SLC44A1: variants seen among roughly 807,000 people sequenced by gnomAD.
The protein encoded by SLC44A1 is solute carrier family 44 member 1.
A neutral mutation model predicts 79.3 loss-of-function variants in SLC44A1; 26 were observed. The ratio of observed to expected loss-of-function variants is 0.33; its 90% CI spans 0.24 to 0.46. SLC44A1 has a LOEUF of 0.46. SLC44A1 is among the 20% of genes least tolerant of loss of function. SLC44A1 has a pLI of 1.00. For missense variants in SLC44A1, 688 were observed against 798.1 expected (o/e 0.86, Z 1.66); for synonymous variants, 263 against 286.2 (o/e 0.92, Z 0.82).
At position 105,372,845 on chromosome 9, in the gene SLC44A1, G is replaced by A. The variant is rs1036479033; in HGVS notation, c.1495-1753G>A. Among the ~76,000 whole-genome samples, 47 of 148,304 alleles carry A rather than the reference G, an allele frequency of 3.2e-4. 1 individual carries two copies. The highest frequency in any genetic ancestry group is 6.5e-4 in the Non-Finnish European group (43 of 66,490). ...GGCGCCTGTAGTCCCAGCTACTTGG[G>A]AGGCTGAGGCAGGAGAATGGCGTGA... On this transcript the variant is annotated intron_variant, in intron 12 of 15. Coordinates refer to ENST00000374720, the MANE Select transcript of SLC44A1 (RefSeq NM_080546.5).
At chr9:105,288,872 A>G (rs531515041) in intron 1 of SLC44A1, among the ~76,000 whole-genome samples, 13 of 152,342 alleles carry the variant, frequency 8.5e-5, no homozygotes, top group South Asian at 4.1e-4. Flanking sequence ...ACTTACCCCA[A>G]TGGGTGTATG....
At chr9:105,279,280 AT>A (rs570286673) in intron 1 of SLC44A1, among the ~76,000 whole-genome samples, 3 of 145,146 alleles carry the variant, frequency 2.1e-5, no homozygotes, top group Non-Finnish European at 3.0e-5. Flanking sequence ...CTCAACATCT[AT>A]TTTTTTTAAG....
chr9:105,272,361 C>T (rs1830097707), intron 1 of SLC44A1, among the ~76,000 whole-genome samples: 1 of 152,066 alleles, frequency 6.6e-6, no homozygotes, highest in Non-Finnish European at 1.5e-5. Context: ...AGATATTTAA[C>T]TCCTCAGTAT....
chr9:105,413,390 C>T lies in SLC44A1; in HGVS notation c.1951-24891C>T, dbSNP rs115130198. 7.3e-3 allele frequency among the ~76,000 whole-genome samples: 1,108 copies of T among 152,274 alleles called. 18 individuals carry two copies. The highest frequency in any genetic ancestry group is 0.025 in the African/African-American group (1,035 of 41,566). On this transcript the variant is annotated intron_variant, in intron 15 of 15. Coordinates refer to the SLC44A1 transcript ENST00000374724. ...ATACTGGCAATTTCCAAGAAAATTTCGCCTTCCCAATATAGGTGCCGCCCA... is the reference window on the plus strand; with the variant it reads ...ATACTGGCAATTTCCAAGAAAATTTTGCCTTCCCAATATAGGTGCCGCCCA...
intron 4 of SLC44A1, among the ~76,000 whole-genome samples, chr9:105,347,123 CT>C (rs1827267009): frequency 6.6e-6 from 1 of 151,976 alleles, no homozygotes; most frequent in South Asian, 2.1e-4. Flanking sequence ...AAGCTATATT[CT>C]TTTTTCTATG....
intron 13 of SLC44A1, among the ~76,000 whole-genome samples, chr9:105,380,172 A>C (rs1340970704): frequency 6.6e-6 from 1 of 152,178 alleles, no homozygotes; most frequent in Non-Finnish European, 1.5e-5. Context: ...ACAGGCTCAG[A>C]ATGGTTAAAT....
At chr9:105,255,003 C>T (rs1829669823) in intron 1 of SLC44A1, among the ~76,000 whole-genome samples, 1 of 151,336 alleles carries the variant, frequency 6.6e-6, no homozygotes, top group African/African-American at 2.4e-5. Context: ...AGCTGATACA[C>T]TTAAGGAGCT....
chr9:105,435,660 T>C (rs1473369970), intron 15 of SLC44A1, among the ~76,000 whole-genome samples: 1 of 152,186 alleles, frequency 6.6e-6, no homozygotes, highest in Non-Finnish European at 1.5e-5. Flanking sequence ...GCTTTGTGAC[T>C]CCAGGAGGCC....
intron 5 of SLC44A1, among the ~76,000 whole-genome samples, chr9:105,350,540 C>T (rs1827374263): frequency 6.6e-6 from 1 of 152,092 alleles, no homozygotes; most frequent in Non-Finnish European, 1.5e-5. Flanking sequence ...GGCAAGTACC[C>T]CTCAGCATCC....
In SLC44A1 at chr9:105,391,881, C is replaced by G; in HGVS notation, c.*2825C>G. 2.0e-6 allele frequency: 2 copies of G among 985,346 alleles called. No individual in the cohort carries two copies. Among genetic ancestry groups the G allele is most frequent in the Non-Finnish European group, 2.4e-6 (2 of 829,912 alleles). 61.0% of individuals were successfully genotyped at this position (985,346 alleles called of 1,614,324 possible). A position where few individuals can be genotyped will look rare whatever the true frequency, so the allele number is the denominator to read the frequency against. On this transcript the variant is annotated 3_prime_UTR_variant, in exon 16 of 16. Coordinates refer to ENST00000374720, the MANE Select transcript of SLC44A1 (RefSeq NM_080546.5). ...AATCTTCAAAACTGTATTCAGGACT[C>G]ATATTTCTAGAGTTTTAATTGGGGT... is the stretch of plus-strand genomic sequence containing the variant.
intron 15 of SLC44A1, among the ~76,000 whole-genome samples, chr9:105,386,933 G>A (rs1828641487): frequency 6.8e-6 from 1 of 146,576 alleles, no homozygotes; most frequent in Non-Finnish European, 1.5e-5. Flanking sequence ...GAGTTACTTG[G>A]GAGGCTGAAG....
chr9:105,412,556 T>G (rs953059587), intron 15 of SLC44A1, among the ~76,000 whole-genome samples: 1 of 152,188 alleles, frequency 6.6e-6, no homozygotes, highest in South Asian at 2.1e-4. Context: ...GGTAGCTATT[T>G]GATAATAGCG....
intron 15 of SLC44A1, among the ~76,000 whole-genome samples, chr9:105,428,321 T>C (rs1262856297): frequency 1.3e-5 from 2 of 152,242 alleles, no homozygotes; most frequent in Non-Finnish European, 2.9e-5. Flanking sequence ...TACTTATTAA[T>C]AGCTAGAAAT....
At chr9:105,418,270 C>T (rs1403834584) in intron 15 of SLC44A1, among the ~76,000 whole-genome samples, 3 of 143,764 alleles carry the variant, frequency 2.1e-5, no homozygotes, top group Admixed American at 7.1e-5. Flanking sequence ...GCCGAGATTG[C>T]GCCATTGCAC....
chr9:105,263,005 C>G (rs1040390418), intron 1 of SLC44A1, among the ~76,000 whole-genome samples: 2 of 152,100 alleles, frequency 1.3e-5, no homozygotes, highest in African/African-American at 4.8e-5. Context: ...ACAAATGTAC[C>G]GAGTGCCTGA....
At chr9:105,405,385 C>T (rs1291798475) in intron 15 of SLC44A1, among the ~76,000 whole-genome samples, 1 of 151,222 alleles carries the variant, frequency 6.6e-6, no homozygotes, top group Non-Finnish European at 1.5e-5. Flanking sequence ...AATTCCAAAA[C>T]TCCATCATTC....
chr9:105,278,149 C>T (rs1353946849), intron 1 of SLC44A1, among the ~76,000 whole-genome samples: 1 of 152,018 alleles, frequency 6.6e-6, no homozygotes, highest in African/African-American at 2.4e-5. Context: ...GCAACCTCTG[C>T]CTCCCAGGCT....
At chr9:105,351,629 A>G (rs945034909) in intron 5 of SLC44A1, among the ~76,000 whole-genome samples, 9 of 68,018 alleles carry the variant, frequency 1.3e-4, no homozygotes, top group Admixed American at 1.6e-4. Flanking sequence ...AAAGAGAGAG[A>G]AAGAGAAAGA....
chr9:105,391,945 G>A lies in SLC44A1; in HGVS notation c.*2889G>A, dbSNP rs1182851686. ...TTGTAGTAGTGACCAGAGTATCGTG[G>A]TTTTTGCCATCAGATAATTAAGGCT... On this transcript the variant is annotated 3_prime_UTR_variant, in exon 16 of 16. Coordinates refer to ENST00000374720, the MANE Select transcript of SLC44A1 (RefSeq NM_080546.5). The A allele has an allele frequency of 3.0e-6, 3 of 985,148 alleles. No homozygotes were observed. In the African/African-American group the frequency reaches 5.2e-5, roughly 17 times the overall value. The allele number at this position is 985,148 out of a possible 1,614,324, so 61.0% of individuals were successfully genotyped here. A position where few individuals can be genotyped will look rare whatever the true frequency, so the allele number is the denominator to read the frequency against.
Sources: gnomAD v4.1 joint callset for allele counts (sites outside exome capture counted in the v4.1 genomes callset) on GRCh38, gnomAD v4.1.1 for gene constraint, MANE v1.5 for transcripts, NCBI Gene and HGNC (gene_info 2026-07-23, HGNC 2026-07-21) for gene names.